The following PRLR variants were observed in gnomAD, a reference collection of about 807,000 sequenced individuals.
PRLR encodes the protein prolactin receptor.
A neutral mutation model predicts 40.2 loss-of-function variants in PRLR; 13 were observed. The ratio of observed to expected loss-of-function variants is 0.32; its 90% confidence interval spans 0.21 to 0.51. The LOEUF (loss-of-function observed/expected upper bound fraction) is 0.51. PRLR is among the 20% of genes least tolerant of loss of function. The pLI is 0.97. For synonymous variants in PRLR, 269 were observed against 278.7 expected, an observed-to-expected ratio of 0.97 and a Z score of 0.35; for missense variants, 656 against 747.3, an observed-to-expected ratio of 0.88 and a Z score of 1.42.
intron 1 of PRLR, among the ~76,000 whole-genome samples, chr5:35,172,960 T>C (rs1360870696): frequency 6.6e-6 from 1 of 152,260 alleles, no homozygotes; most frequent in East Asian, 1.9e-4. Context: ...TGGTTTCTGA[T>C]ACTTAGGCTG....
chr5:35,049,483 T>G, intron 8 of PRLR: 1 of 653,418 alleles, frequency 1.5e-6, no homozygotes, highest in South Asian at 1.7e-5. Flanking sequence ...CTCTTTTATT[T>G]AAAAAGAAAA....
intron 1 of PRLR, among the ~76,000 whole-genome samples, chr5:35,176,526 G>A (rs913016037): frequency 2.6e-5 from 4 of 152,132 alleles, no homozygotes; most frequent in South Asian, 2.1e-4. Flanking sequence ...CCCCAACCCC[G>A]TGCTCTCTGA....
intron 1 of PRLR, among the ~76,000 whole-genome samples, chr5:35,121,403 C>G (rs560963524): frequency 6.6e-6 from 1 of 152,278 alleles, no homozygotes; most frequent in South Asian, 2.1e-4. Context: ...CATCCCACCC[C>G]CTCCTGAAAG....
intron 1 of PRLR, among the ~76,000 whole-genome samples, chr5:35,220,858 T>A (rs1776397137): frequency 6.6e-6 from 1 of 152,168 alleles, no homozygotes; most frequent in Non-Finnish European, 1.5e-5. Context: ...TTCCATCAAA[T>A]CTAATACAAA....
chr5:35,101,238 T>G (rs546630316), intron 2 of PRLR, among the ~76,000 whole-genome samples: 1 of 152,328 alleles, frequency 6.6e-6, no homozygotes, highest in East Asian at 1.9e-4. Flanking sequence ...GGGTGACTAT[T>G]TTTATAAAGT....
rs146807614 is a variant in PRLR at position 35,129,957 on chromosome 5, C to T, written c.-105-11835G>A. Among the ~76,000 whole-genome samples the T allele has an allele frequency of 3.9e-5, 6 of 152,176 alleles. No homozygotes were observed. The South Asian group carries it at 6.2e-4, about 16-fold the overall frequency. On this transcript the variant is annotated intron_variant, in intron 1 of 9. Transcript: ENST00000618457. Reference sequence around the variant, plus strand: ...GCCAGGTGACTTACCCTGGGCATGTCGCAAGCCTGTCAAAGTTTGAATGCT... The same window carrying T: ...GCCAGGTGACTTACCCTGGGCATGTTGCAAGCCTGTCAAAGTTTGAATGCT...
chr5:35,088,970 A>G (rs1037721315), intron 3 of PRLR, among the ~76,000 whole-genome samples: 1 of 152,236 alleles, frequency 6.6e-6, no homozygotes, highest in Non-Finnish European at 1.5e-5. Flanking sequence ...ACAGGTACAT[A>G]TAGAAGTCTG....
intron 1 of PRLR, among the ~76,000 whole-genome samples, chr5:35,204,552 CA>C (rs1392415297): frequency 2.0e-5 from 3 of 152,132 alleles, no homozygotes; most frequent in Admixed American, 6.6e-5. Context: ...CCTATTACCC[CA>C]GTGGAATAAT....
intron 1 of PRLR, among the ~76,000 whole-genome samples, chr5:35,199,048 G>C (rs1352188046): frequency 3.9e-5 from 6 of 152,162 alleles, no homozygotes; most frequent in Non-Finnish European, 8.8e-5. Context: ...AGGGTCCCTT[G>C]GCAGGAAGCT....
In PRLR at chr5:35,108,180, A is replaced by G. The variant is rs143530500; in HGVS notation, c.-44+9881T>C. Among the ~76,000 whole-genome samples the G allele has an allele frequency of 9.8e-3, 1,488 of 152,304 alleles. 29 individuals are homozygous for G. The highest frequency in any genetic ancestry group is 0.035 in the African/African-American group (1,448 of 41,558). ...CTTCAACAAAATTCAACACCCCTTC[A>G]TGCTAAAAACTCTCAATAAACTAGG... On this transcript the variant is annotated intron_variant, in intron 2 of 9. Transcript: ENST00000618457.
intron 5 of PRLR, among the ~76,000 whole-genome samples, chr5:35,072,973 T>G (rs568563837): frequency 1.8e-4 from 28 of 152,198 alleles, no homozygotes; most frequent in South Asian, 4.1e-4. Context: ...AGCTGGTATT[T>G]CATTCTCCGC....
At chr5:35,204,239 G>GAA (rs138279788) in intron 1 of PRLR, among the ~76,000 whole-genome samples, 13,757 of 143,306 alleles carry the variant, frequency 0.096, 830 homozygotes, top group Non-Finnish European at 0.13. Flanking sequence ...TAAATAAAAT[G>GAA]AAAAAAAAAA....
chr5:35,102,398 C>T (rs1240200279), intron 2 of PRLR, among the ~76,000 whole-genome samples: 1 of 151,826 alleles, frequency 6.6e-6, no homozygotes, highest in East Asian at 1.9e-4. Context: ...TCTCTCCTTT[C>T]CTTTTTAGTG....
At chr5:35,129,250 G>T (rs776294198) in intron 1 of PRLR, among the ~76,000 whole-genome samples, 9 of 152,256 alleles carry the variant, frequency 5.9e-5, no homozygotes, top group South Asian at 2.1e-4. Context: ...TTGGCATTTA[G>T]GCATCAAGAG....
chr5:35,171,032 GT>G (rs1368192744), intron 1 of PRLR, among the ~76,000 whole-genome samples: 1 of 147,150 alleles, frequency 6.8e-6, no homozygotes, highest in Non-Finnish European at 1.5e-5. Context: ...GCTTGTTTCT[GT>G]TTGCTGTTTT....
intron 1 of PRLR, among the ~76,000 whole-genome samples, chr5:35,201,319 A>G (rs141395674): frequency 6.6e-5 from 10 of 152,280 alleles, no homozygotes; most frequent in South Asian, 4.1e-4. Context: ...AACATAGTAT[A>G]TTTGCAAAAC....
chr5:35,152,141 T>C (rs778367827), intron 1 of PRLR, among the ~76,000 whole-genome samples: 1 of 152,224 alleles, frequency 6.6e-6, no homozygotes, highest in Non-Finnish European at 1.5e-5. Context: ...ATAATCCGCG[T>C]GATCCATTCT....
rs1002761949 is a variant in PRLR, at chr5:35,059,170, T to A, written c.*5919A>T. 36 of 152,300 alleles carry A rather than the reference T, an allele frequency of 2.4e-4. No individual in the cohort carries two copies. Among genetic ancestry groups the A allele is most frequent in the African/African-American group, 7.9e-4 (33 of 41,576 alleles). The allele number at this position is 152,300 out of a possible 1,614,324, so 9.4% of individuals were successfully genotyped here. On this transcript the variant is annotated 3_prime_UTR_variant, in exon 10 of 10. Transcript: ENST00000618457. The stretch of plus-strand genomic sequence containing the variant: ...AAAGGTTATTTTTTATATTACTACT[T>A]CAGTTGCTGAAGGTTTTAGGGTTTT...
intron 9 of PRLR, among the ~76,000 whole-genome samples, chr5:35,067,328 G>A (rs574611259): frequency 1.3e-5 from 2 of 152,306 alleles, no homozygotes; most frequent in East Asian, 3.9e-4. Context: ...GTTAAATTGT[G>A]AGCTGGACAG....
Sources: allele counts gnomAD v4.1 joint callset (sites outside exome capture counted in the v4.1 genomes callset), GRCh38; gene constraint gnomAD v4.1.1; transcripts MANE v1.5; gene names NCBI Gene and HGNC (gene_info 2026-07-23, HGNC 2026-07-21).